Variants in AVIL observed in about 807,000 individuals in gnomAD.
AVIL encodes the protein advillin.
A neutral mutation model predicts 109.9 loss-of-function variants in AVIL; 78 were observed. The observed-to-expected ratio is 0.71, with a 90% CI of 0.59 to 0.86. The LOEUF (loss-of-function observed/expected upper bound fraction) is 0.86. Among genes scored for constraint, AVIL ranks in the 40% least tolerant of loss-of-function variants. The pLI, the probability that AVIL is intolerant of heterozygous loss-of-function variation, is 0.00. For synonymous variants in AVIL, 367 were observed against 379.1 expected (o/e 0.97, Z 0.37); for missense variants, 892 against 1,016.5 (o/e 0.88, Z 1.67).
chr12:57,803,165 T>C, intron 16 of AVIL, 82 bp downstream of exon 16: 1 of 1,551,940 alleles, frequency 6.4e-7, no homozygotes. Context: ...CCTGGGTTTA[T>C]TCTAGGGTGG....
At chr12:57,811,916 C>CTACT (rs1377078241) in intron 4 of AVIL, among the ~76,000 whole-genome samples, 1 of 152,240 alleles carries the variant, frequency 6.6e-6, no homozygotes, top group African/African-American at 2.4e-5. Flanking sequence ...TCTGCCTGTC[C>CTACT]TACTCCCATT....
chr12:57,803,122 G>A, intron 16 of AVIL, 125 bp downstream of exon 16: 1 of 1,266,838 alleles, frequency 7.9e-7, no homozygotes, highest in Non-Finnish European at 1.1e-6. Flanking sequence ...TGCTGACAAA[G>A]GTTTGATTGA....
intron 2 of AVIL, chr12:57,815,715 C>T: frequency 7.2e-7 from 1 of 1,392,628 alleles, no homozygotes; most frequent in Non-Finnish European, 9.4e-7. Flanking sequence ...ACTCACTGAG[C>T]AGGTGGCTGG....
Position 57,808,176 on chromosome 12 carries a change from T to G in AVIL, c.1194+18A>C. 1.2e-6 allele frequency: 2 copies of G among 1,612,270 alleles called. No homozygotes were observed. Among genetic ancestry groups the G allele is most frequent in the Non-Finnish European group, 1.7e-6 (2 of 1,178,312 alleles). ...AGGCCAGTGCTGTCTGCCCTGACAT[T>G]TGAATCATTGGGCTTACCTCAACTT... On this transcript the variant is annotated intron_variant, in intron 11 of 19. Coordinates refer to ENST00000549994, the MANE Select transcript of AVIL (RefSeq NM_006576.4).
At position 57,813,328 on chromosome 12, in the gene AVIL, G is replaced by C. The variant is rs917824075; in HGVS notation, c.237C>G (p.Thr79=). The C allele has an allele frequency of 6.2e-7, 1 of 1,613,984 alleles. No homozygotes were observed. The highest frequency in any genetic ancestry group is 1.3e-5 in the African/African-American group (1 of 74,892). The change falls in exon 4 of 20, where the codon ACC becomes ACG. Residue 79 remains threonine (T), a synonymous_variant. Transcript: ENST00000549994. ...QDEQSCAAIY[T]TQLDDYLGGS... ...CTCCCAGGTAGTCGTCCAGCTGTGT[G>C]GTATATATGGCTGCGCAGCTTTGCT... is the stretch of plus-strand genomic sequence containing the variant.
Position 57,807,209 on chromosome 12 carries a change from C to T in AVIL, c.1491+122G>A, listed in dbSNP as rs561648843. 6 of 1,426,900 alleles carry T rather than the reference C, an allele frequency of 4.2e-6. No homozygotes were observed. In the African/African-American group the frequency reaches 8.4e-5, roughly 20 times the overall value. 88.4% of individuals were successfully genotyped at this position (1,426,900 alleles called of 1,614,324 possible). A position where few individuals can be genotyped will look rare whatever the true frequency, so the allele number is the denominator to read the frequency against. On this transcript the variant is annotated intron_variant, in intron 13 of 19. Coordinates refer to ENST00000549994, the MANE Select transcript of AVIL (RefSeq NM_006576.4). The stretch of plus-strand genomic sequence containing the variant: ...TCTTAGAGGGATTAACCCCCTTCTT[C>T]CTCTGTCTAATCCAAGCCTGACTCC...
chr12:57,811,599 G>A (rs914989598), intron 4 of AVIL, among the ~76,000 whole-genome samples: 2 of 152,162 alleles, frequency 1.3e-5, no homozygotes, highest in African/African-American at 4.8e-5. Flanking sequence ...GCCCAGCCCA[G>A]CCTCCGAGCC....
At chr12:57,800,105 G>T in intron 18 of AVIL, 185 bp from the exon 19 acceptor site, 4 of 801,572 alleles carry the variant, frequency 5.0e-6, no homozygotes, top group South Asian at 4.1e-5. Context: ...AAAATATTCA[G>T]ATTTTGGGGT....
chr12:57,816,332 G>A, intron 1 of AVIL: 1 of 355,900 alleles, frequency 2.8e-6, no homozygotes. Flanking sequence ...ATTTACCAAA[G>A]GGGTGATAAA....
intron 1 of AVIL, among the ~76,000 whole-genome samples, chr12:57,818,213 T>TG (rs1956121395): frequency 1.6e-5 from 2 of 126,356 alleles, no homozygotes; most frequent in Non-Finnish European, 3.3e-5. Context: ...TTTTTTTTTT[T>TG]GTAGAGACAG....
chr12:57,805,868 C>T (rs1450180836), intron 14 of AVIL: 2 of 119,636 alleles, frequency 1.7e-5, no homozygotes, highest in Non-Finnish European at 3.3e-5. Context: ...GACGGAGTCT[C>T]ACTCTGTCGC....
chr12:57,817,673 C>A (rs1479791429), intron 1 of AVIL, among the ~76,000 whole-genome samples: 1 of 152,052 alleles, frequency 6.6e-6, no homozygotes, highest in Non-Finnish European at 1.5e-5. Context: ...CCAAACCAGC[C>A]GGCAGCAATT....
chr12:57,815,556 C>T lies in AVIL; in HGVS notation c.66+419G>A, dbSNP rs1054348145. Reference sequence around the variant, plus strand: ...AGAGGAGACGGGCTGAACAGCTCCTCATCTCTGCAGTGCCCCCTCACCTCT... The same window carrying T: ...AGAGGAGACGGGCTGAACAGCTCCTTATCTCTGCAGTGCCCCCTCACCTCT... On this transcript the variant is annotated intron_variant, in intron 2 of 19. Transcript: ENST00000549994. 18 of 1,225,558 alleles carry T rather than the reference C, an allele frequency of 1.5e-5. No homozygotes were observed. The African/African-American group carries it at 2.4e-4, about 16-fold the overall frequency. 75.9% of individuals were successfully genotyped at this position (1,225,558 alleles called of 1,614,324 possible). A position where few individuals can be genotyped will look rare whatever the true frequency, so the allele number is the denominator to read the frequency against.
At chr12:57,815,026 C>T (rs1240813978) in intron 2 of AVIL, 1 of 152,356 alleles carries the variant, frequency 6.6e-6, no homozygotes, top group African/African-American at 2.4e-5. Flanking sequence ...GATCTCGGCT[C>T]ACTGCAAGCT....
In AVIL at chr12:57,807,694, C is replaced by T. The variant is rs755193548; in HGVS notation, c.1228G>A (p.Val410Met). ...AAGAAGCCATACCATTGATACTCCA[C>T]AGGGACCAGCTCCAGGTTCTCAATT... ...WRIENLELVPVEYQWYGFFYG... is the reference protein window; with the variant it reads ...WRIENLELVPMEYQWYGFFYG... The change falls in exon 12 of 20, where the codon GTG becomes ATG. Residue 410 changes from valine to methionine, a missense_variant. Coordinates refer to ENST00000549994, the MANE Select transcript of AVIL (RefSeq NM_006576.4). The T allele has an allele frequency of 8.7e-6, 14 of 1,613,966 alleles. No homozygotes were observed. In the Admixed American group the frequency reaches 1.5e-4, roughly 17 times the overall value.
chr12:57,807,733 C>T lies in AVIL; in HGVS notation c.1195-6G>A, dbSNP rs199815749. The T allele has an allele frequency of 1.4e-5, 22 of 1,613,754 alleles. No homozygotes were observed. The highest frequency in any genetic ancestry group is 1.4e-5 in the Non-Finnish European group (17 of 1,180,048). ...AGGTTCTCAATTCTCCAGACCTGGG[C>T]ATAGAAGGAGACACCGTTTTCCAGA... On this transcript the variant is annotated splice_polypyrimidine_tract_variant and splice_region_variant and intron_variant, in intron 11 of 19. Transcript: ENST00000549994.
chr12:57,801,365 C>T, intron 17 of AVIL, 153 bp from the exon 18 acceptor site: 1 of 591,900 alleles, frequency 1.7e-6, no homozygotes, highest in Non-Finnish European at 3.0e-6. Context: ...CCTTTTGGGT[C>T]CATGCAGGCT....
Position 57,797,834 on chromosome 12 carries a change from C to A in AVIL, c.*48G>T. The A allele has an allele frequency of 7.2e-7, 1 of 1,391,794 alleles. No individual in the cohort carries two copies. Among genetic ancestry groups the A allele is most frequent in the Non-Finnish European group, 9.8e-7 (1 of 1,023,890 alleles). 86.2% of individuals were successfully genotyped at this position (1,391,794 alleles called of 1,614,324 possible). On this transcript the variant is annotated 3_prime_UTR_variant, in exon 20 of 20. Transcript: ENST00000549994. ...GATAAATTATTTCCTGATATTGGCA[C>A]TATCTGCTCTTTTCTGTGGCCTTGC...
chr12:57,803,963 A>G lies in AVIL; in HGVS notation c.1672-294T>C, dbSNP rs536928363. ...TACTTTTGATTTTTATTTTAGAGAAAAAATTTAAATTTATTTTTAAAAGTA... is the reference window on the plus strand; with the variant it reads ...TACTTTTGATTTTTATTTTAGAGAAGAAATTTAAATTTATTTTTAAAAGTA... On this transcript the variant is annotated intron_variant, in intron 14 of 19. Coordinates refer to ENST00000549994, the MANE Select transcript of AVIL (RefSeq NM_006576.4). 3.1e-5 allele frequency: 9 copies of G among 292,064 alleles called. No individual in the cohort carries two copies. In the East Asian group the frequency reaches 5.8e-4, roughly 19 times the overall value. 18.1% of individuals were successfully genotyped at this position (292,064 alleles called of 1,614,324 possible). A position where few individuals can be genotyped will look rare whatever the true frequency, so the allele number is the denominator to read the frequency against.
Sources: gnomAD v4.1 joint callset for allele counts (sites outside exome capture counted in the v4.1 genomes callset) on GRCh38, gnomAD v4.1.1 for gene constraint, MANE v1.5 for transcripts, NCBI Gene and HGNC (gene_info 2026-07-23, HGNC 2026-07-21) for gene names.